The following ALOX5AP variants were observed in gnomAD, a reference collection of about 807,000 sequenced individuals.
The protein encoded by ALOX5AP is arachidonate 5-lipoxygenase activating protein.
Under a neutral mutation model 18.5 loss-of-function variants are expected in ALOX5AP, and 9 were observed. The observed-to-expected ratio is 0.49, with a 90% CI of 0.29 to 0.85. ALOX5AP has a LOEUF of 0.85. Among genes scored for constraint, ALOX5AP ranks in the 40% least tolerant of loss-of-function variants. ALOX5AP has a pLI of 0.08. For missense variants in ALOX5AP, 172 were observed against 202.5 expected (o/e 0.85, Z 0.91); for synonymous variants, 81 against 78.6 (o/e 1.03, Z -0.16).
chr13:30,713,869 CATGTGTGT>C, intron 1 of ALOX5AP: 1 of 1,527,752 alleles, frequency 6.5e-7, no homozygotes, highest in Non-Finnish European at 8.8e-7. Context: ...CGCACACGCG[CATGTGTGT>C]GCATCTTCTA....
At chr13:30,732,633 A>G (rs1951690258), upstream of ALOX5AP, among the ~76,000 whole-genome samples, 1 of 152,156 alleles carries the variant, frequency 6.6e-6, no homozygotes, top group Non-Finnish European at 1.5e-5. Flanking sequence ...TGGGCCAATG[A>G]GGCTGTCCTA....
intron 1 of ALOX5AP, 39 bp from the exon 2 acceptor site, chr13:30,744,021 G>T (rs1951788156): frequency 1.3e-6 from 2 of 1,556,786 alleles, no homozygotes; most frequent in Non-Finnish European, 1.8e-6. Context: ...TCCTGAACAT[G>T]CCCACAATGA....
intron 1 of ALOX5AP, among the ~76,000 whole-genome samples, chr13:30,726,562 A>G (rs569421830): frequency 9.2e-5 from 14 of 152,332 alleles, no homozygotes; most frequent in Admixed American, 3.3e-4. Flanking sequence ...GGAATATAGA[A>G]TGAGTAGTGG....
At chr13:30,743,004 CCA>C (rs1951780290) in intron 1 of ALOX5AP, among the ~76,000 whole-genome samples, 1 of 151,944 alleles carries the variant, frequency 6.6e-6, no homozygotes, top group African/African-American at 2.4e-5. Flanking sequence ...TAAGTTCCTG[CCA>C]CACTAAAGAC....
intron 1 of ALOX5AP, among the ~76,000 whole-genome samples, chr13:30,743,736 G>T (rs149305224): frequency 1.1e-4 from 17 of 152,140 alleles, no homozygotes; most frequent in African/African-American, 4.1e-4. Flanking sequence ...GACCCTGAAA[G>T]CACCATGTAC....
intron 1 of ALOX5AP, chr13:30,713,908 A>T (rs1490791889): frequency 6.7e-7 from 1 of 1,502,396 alleles, no homozygotes; most frequent in African/African-American, 1.4e-5. Context: ...TACAAATTTG[A>T]CCTGGGCCCA....
At chr13:30,718,439 G>T (rs767580352) in intron 1 of ALOX5AP, among the ~76,000 whole-genome samples, 1 of 147,566 alleles carries the variant, frequency 6.8e-6, no homozygotes, top group Non-Finnish European at 1.5e-5. Context: ...ACTACACACT[G>T]CCTTATTGCT....
In ALOX5AP at chr13:30,735,812, T is replaced by C. The variant is rs1951716565; in HGVS notation, c.70+137T>C. ...TTACCTTATCTTTATTTTCTTCTTT[T>C]TATTTGAATGTATAGGGTTGTGTGT... On this transcript the variant is annotated intron_variant, in intron 1 of 4. Coordinates refer to ENST00000380490, the MANE Select transcript of ALOX5AP (RefSeq NM_001629.4). The C allele has an allele frequency of 2.8e-6, 3 of 1,073,926 alleles. No homozygotes were observed. The Admixed American group carries it at 8.3e-5, about 30-fold the overall frequency. 66.5% of individuals were successfully genotyped at this position (1,073,926 alleles called of 1,614,324 possible). A position where few individuals can be genotyped will look rare whatever the true frequency, so the allele number is the denominator to read the frequency against.
chr13:30,758,215 C>A (rs1462140829), intron 4 of ALOX5AP, among the ~76,000 whole-genome samples: 1 of 152,214 alleles, frequency 6.6e-6, no homozygotes, highest in Admixed American at 6.5e-5. Flanking sequence ...GCCAGAGGGG[C>A]TTTATGGTTA....
At chr13:30,743,170 C>A (rs1371864600) in intron 1 of ALOX5AP, among the ~76,000 whole-genome samples, 1 of 152,078 alleles carries the variant, frequency 6.6e-6, no homozygotes, top group Non-Finnish European at 1.5e-5. Context: ...CAATGGTCAT[C>A]TTCTTGAAGA....
chr13:30,739,785 A>G (rs1378585837), intron 1 of ALOX5AP, among the ~76,000 whole-genome samples: 1 of 152,196 alleles, frequency 6.6e-6, no homozygotes, highest in Non-Finnish European at 1.5e-5. Context: ...AGTCATGGAG[A>G]ATTTGGTTGA....
chr13:30,742,755 C>A (rs1274600353), intron 1 of ALOX5AP, among the ~76,000 whole-genome samples: 1 of 152,002 alleles, frequency 6.6e-6, no homozygotes, highest in African/African-American at 2.4e-5. Context: ...GAAAAGGAAC[C>A]CTGTGGTTGG....
chr13:30,728,711 G>T (rs1951657288), intron 1 of ALOX5AP, among the ~76,000 whole-genome samples: 1 of 152,166 alleles, frequency 6.6e-6, no homozygotes, highest in South Asian at 2.1e-4. Flanking sequence ...AGCAGCGTGT[G>T]GTGGTGTGTG....
chr13:30,751,152 C>T (rs1211168353), intron 2 of ALOX5AP, among the ~76,000 whole-genome samples: 2 of 152,178 alleles, frequency 1.3e-5, no homozygotes, highest in Admixed American at 1.3e-4. Flanking sequence ...CAACCTCCGC[C>T]TCCCAGGTTC....
chr13:30,741,830 T>G (rs1215762653), intron 1 of ALOX5AP, among the ~76,000 whole-genome samples: 4 of 86,828 alleles, frequency 4.6e-5, no homozygotes, highest in Admixed American at 3.7e-4. Context: ...AATGGTTTTC[T>G]GTTTTTTTTT....
chr13:30,715,184 C>T (rs1025550993), intron 1 of ALOX5AP, among the ~76,000 whole-genome samples: 1 of 152,172 alleles, frequency 6.6e-6, no homozygotes, highest in Admixed American at 6.5e-5. Flanking sequence ...TTTAACTTGT[C>T]ACATGACTAT....
chr13:30,745,481 C>T (rs892219399), intron 2 of ALOX5AP, among the ~76,000 whole-genome samples: 1 of 152,186 alleles, frequency 6.6e-6, no homozygotes, highest in Non-Finnish European at 1.5e-5. Context: ...TCCATGCTCC[C>T]ACGTGCTCTG....
chr13:30,749,912 A>AAGTTCTC (rs1303933799), intron 2 of ALOX5AP, among the ~76,000 whole-genome samples: 2 of 152,110 alleles, frequency 1.3e-5, no homozygotes, highest in African/African-American at 4.8e-5. Context: ...GGCCATTCCC[A>AAGTTCTC]AGTTCTCAGT....
At chr13:30,758,816 A>C in intron 4 of ALOX5AP, among the ~76,000 whole-genome samples, 1 of 144,270 alleles carries the variant, frequency 6.9e-6, no homozygotes. Flanking sequence ...CCTTCACATC[A>C]CCTCATCTCA....
Sources: gnomAD v4.1 joint callset for allele counts (sites outside exome capture counted in the v4.1 genomes callset) on GRCh38, gnomAD v4.1.1 for gene constraint, MANE v1.5 for transcripts, NCBI Gene and HGNC (gene_info 2026-07-23, HGNC 2026-07-21) for gene names.